ABLIM1: variants seen among roughly 807,000 people sequenced by gnomAD.
The protein encoded by ABLIM1 is actin binding LIM protein 1.
ABLIM1 carries 40 observed loss-of-function variants against 107.0 expected under a neutral mutation model. That is an observed-to-expected ratio of 0.37 (90% CI 0.29 to 0.49). The LOEUF is 0.49. Among genes scored for constraint, ABLIM1 ranks in the 20% least tolerant of loss-of-function variants. ABLIM1 has a pLI of 0.97. For missense variants in ABLIM1, 857 were observed against 1,008.5 expected, an observed-to-expected ratio of 0.85 and a Z score of 2.04; for synonymous variants, 357 against 357.3, an observed-to-expected ratio of 1.00 and a Z score of 0.01.
chr10:114,786,705 C>T, the ABLIM1 span, among the ~76,000 whole-genome samples: 1 of 152,188 alleles, frequency 6.6e-6, no homozygotes, highest in Non-Finnish European at 1.5e-5. Flanking sequence ...TCTGGTTGGC[C>T]AGGCTGGTCT....
chr10:114,667,053 A>T (rs1261602173), intron 1 of ABLIM1, among the ~76,000 whole-genome samples: 2 of 152,158 alleles, frequency 1.3e-5, no homozygotes, highest in Non-Finnish European at 2.9e-5. Context: ...ACAGAACAAA[A>T]CATGTTCACA....
At chr10:114,723,903 T>A (rs979218246) in intron 1 of ABLIM1, among the ~76,000 whole-genome samples, 1 of 152,230 alleles carries the variant, frequency 6.6e-6, no homozygotes, top group African/African-American at 2.4e-5. Context: ...CATATTCATT[T>A]CAATATTGTG....
intron 1 of ABLIM1, among the ~76,000 whole-genome samples, chr10:114,757,561 T>C (rs917427451): frequency 6.6e-6 from 1 of 152,198 alleles, no homozygotes; most frequent in African/African-American, 2.4e-5. Flanking sequence ...CTACTTCATG[T>C]TGCCAACTCA....
intron 15 of ABLIM1, among the ~76,000 whole-genome samples, chr10:114,446,477 T>C (rs2061038098): frequency 6.6e-6 from 1 of 152,164 alleles, no homozygotes; most frequent in African/African-American, 2.4e-5. Context: ...GTTAAGATAA[T>C]TATTGTTTTC....
At chr10:114,583,779 A>G (rs2073886731) in intron 2 of ABLIM1, among the ~76,000 whole-genome samples, 1 of 152,050 alleles carries the variant, frequency 6.6e-6, no homozygotes. Flanking sequence ...GGTGAATACT[A>G]TGCAGCCATA....
intron 1 of ABLIM1, among the ~76,000 whole-genome samples, chr10:114,681,623 T>C (rs189669307): frequency 6.6e-6 from 1 of 152,312 alleles, no homozygotes; most frequent in Admixed American, 6.5e-5. Context: ...GCCACTTCAA[T>C]TCACATGACA....
At chr10:114,656,545 T>A (rs1268672060) in intron 1 of ABLIM1, among the ~76,000 whole-genome samples, 1 of 152,036 alleles carries the variant, frequency 6.6e-6, no homozygotes, top group Non-Finnish European at 1.5e-5. Flanking sequence ...GTGTGTGAGG[T>A]GAGCCACCCT....
intron 6 of ABLIM1, among the ~76,000 whole-genome samples, chr10:114,531,605 A>G (rs1043401711): frequency 6.6e-6 from 1 of 150,970 alleles, no homozygotes; most frequent in African/African-American, 2.4e-5. Flanking sequence ...GCAACCTCCA[A>G]CTCCCTGGTT....
intron 1 of ABLIM1, among the ~76,000 whole-genome samples, chr10:114,664,253 G>T (rs1354697410): frequency 6.6e-6 from 1 of 152,166 alleles, no homozygotes; most frequent in Non-Finnish European, 1.5e-5. Flanking sequence ...TCTACTCTTT[G>T]AGACTGTGAG....
At chr10:114,466,150 G>A (rs1767000001) in intron 11 of ABLIM1, among the ~76,000 whole-genome samples, 1 of 151,910 alleles carries the variant, frequency 6.6e-6, no homozygotes, top group South Asian at 2.1e-4. Flanking sequence ...GAACAGCCTG[G>A]GCAACACAAC....
chr10:114,648,561 A>G (rs1333981960), intron 1 of ABLIM1, among the ~76,000 whole-genome samples: 2 of 152,194 alleles, frequency 1.3e-5, no homozygotes, highest in African/African-American at 4.8e-5. Context: ...AACGGGCACA[A>G]GGTTTCTTTC....
Position 114,619,832 on chromosome 10 carries a change from C to T in ABLIM1, c.245-17871G>A, listed in dbSNP as rs184860103. ...CAGCTGGAATTCAAACAGTATTTTA[C>T]TCTGAATTTAACAGTTGGGTTAGTT... On this transcript the variant is annotated intron_variant, in intron 1 of 22. Coordinates refer to ENST00000533213, the MANE Select transcript of ABLIM1 (RefSeq NM_002313.7). This position sits in a 1 kb window ranked among gnomAD's most constrained non-coding sequence, Gnocchi z 4.1. Among the ~76,000 whole-genome samples, 2 of 152,332 alleles carry T rather than the reference C, an allele frequency of 1.3e-5. No individual in the cohort carries two copies. The highest frequency in any genetic ancestry group is 1.9e-4 in the East Asian group (1 of 5,192).
intron 1 of ABLIM1, among the ~76,000 whole-genome samples, chr10:114,626,147 T>A (rs957977314): frequency 2.6e-5 from 4 of 152,158 alleles, no homozygotes; most frequent in Non-Finnish European, 4.4e-5. Flanking sequence ...TCTAAAAGGA[T>A]TACTTTGGTG....
At chr10:114,555,510 T>A (rs994041614) in intron 4 of ABLIM1, among the ~76,000 whole-genome samples, 2 of 152,162 alleles carry the variant, frequency 1.3e-5, no homozygotes, top group African/African-American at 4.8e-5. Context: ...GGTTCCTGCC[T>A]CCTTCATTGT....
In ABLIM1 at chr10:114,432,514, C is replaced by A. The variant is rs948176172; in HGVS notation, c.*3746G>T. On this transcript the variant is annotated 3_prime_UTR_variant, in exon 23 of 23. Coordinates refer to ENST00000533213, the MANE Select transcript of ABLIM1 (RefSeq NM_002313.7). ...GGTTAATTTGAACTTTTCAAACTTGCAAAAGCATATACATTTGATATCATC... is the reference window on the plus strand; with the variant it reads ...GGTTAATTTGAACTTTTCAAACTTGAAAAAGCATATACATTTGATATCATC... 2 of 152,184 alleles carry A rather than the reference C, an allele frequency of 1.3e-5. No individual in the cohort carries two copies. The highest frequency in any genetic ancestry group is 2.9e-5 in the Non-Finnish European group (2 of 68,046). The allele number at this position is 152,184 out of a possible 1,614,324, so 9.4% of individuals were successfully genotyped here.
chr10:114,665,342 G>T (rs1018158136), intron 1 of ABLIM1, among the ~76,000 whole-genome samples: 5 of 152,212 alleles, frequency 3.3e-5, no homozygotes, highest in African/African-American at 7.2e-5. Flanking sequence ...GCACTGCCAG[G>T]ATTGTGAAGA....
At chr10:114,637,576 T>C (rs921852551) in intron 1 of ABLIM1, among the ~76,000 whole-genome samples, 1 of 152,228 alleles carries the variant, frequency 6.6e-6, no homozygotes, top group Non-Finnish European at 1.5e-5. Flanking sequence ...CCATGGTCTT[T>C]TTCAAAAGCC....
At chr10:114,464,290 A>G (rs746062893) in intron 12 of ABLIM1, among the ~76,000 whole-genome samples, 15 of 151,720 alleles carry the variant, frequency 9.9e-5, no homozygotes, top group Non-Finnish European at 1.8e-4. Flanking sequence ...GGTTCCAGCA[A>G]TTCTCCTGTC....
intron 9 of ABLIM1, 94 bp from the exon 10 acceptor site, chr10:114,473,226 G>A (rs2066929009): frequency 7.5e-6 from 10 of 1,328,990 alleles, no homozygotes; most frequent in Non-Finnish European, 1.0e-5. Context: ...AAAAGTGAAG[G>A]CCTTAAAATA....
Sources: allele counts gnomAD v4.1 joint callset (sites outside exome capture counted in the v4.1 genomes callset), GRCh38; gene constraint gnomAD v4.1.1; non-coding constraint Gnocchi (gnomAD v3.1); transcripts MANE v1.5; gene names NCBI Gene and HGNC (gene_info 2026-07-23, HGNC 2026-07-21).